Variants in PLCE1 observed in about 807,000 individuals in gnomAD.
PLCE1 encodes phospholipase C epsilon 1.
PLCE1 carries 119 observed loss-of-function variants against 242.8 expected under a neutral mutation model. The ratio of observed to expected loss-of-function variants is 0.49; its 90% CI spans 0.42 to 0.57. PLCE1 has a LOEUF of 0.57. Among genes scored for constraint, PLCE1 ranks in the 20% least tolerant of loss-of-function variants. PLCE1 has a pLI of 0.00. For synonymous variants in PLCE1, 945 were observed against 1,017.4 expected, an observed-to-expected ratio of 0.93 and a Z score of 1.35; for missense variants, 2,441 against 2,788.8, an observed-to-expected ratio of 0.88 and a Z score of 2.81.
chr10:94,078,258 A>G (rs2044561030), intron 2 of PLCE1, among the ~76,000 whole-genome samples: 1 of 152,206 alleles, frequency 6.6e-6, no homozygotes, highest in Non-Finnish European at 1.5e-5. Flanking sequence ...CGGGAATTTA[A>G]TATTATAGTG....
intron 2 of PLCE1, chr10:94,105,087 C>G: frequency 6.6e-6 from 1 of 152,140 alleles, no homozygotes; most frequent in East Asian, 1.9e-4. Flanking sequence ...CTTTGTGATG[C>G]CATGAAAATG....
At chr10:94,227,643 TG>T (rs2049993161) in intron 5 of PLCE1, among the ~76,000 whole-genome samples, 192 bp downstream of exon 5, 1 of 152,236 alleles carries the variant, frequency 6.6e-6, no homozygotes, top group Admixed American at 6.5e-5. Flanking sequence ...TCAGCCCCTG[TG>T]GGCCAGTCAC....
chr10:94,298,284 C>T lies in PLCE1; in HGVS notation c.5168-95C>T. On this transcript the variant is annotated intron_variant, in intron 23 of 32. Coordinates refer to ENST00000371380, the MANE Select transcript of PLCE1 (RefSeq NM_016341.4). This position sits in a 1 kb window ranked among gnomAD's most constrained non-coding sequence, Gnocchi z 5.2. ...GAGGTATTCTGATGTGGTTTATATG[C>T]TATGACTGTTTACTGGGATGTTGTT... 1 of 1,127,604 alleles carries T rather than the reference C, an allele frequency of 8.9e-7. No individual in the cohort carries two copies. Among genetic ancestry groups the T allele is most frequent in the South Asian group, 1.3e-5 (1 of 77,180 alleles). The allele number at this position is 1,127,604 out of a possible 1,614,324, so 69.8% of individuals were successfully genotyped here. A position where few individuals can be genotyped will look rare whatever the true frequency, so the allele number is the denominator to read the frequency against.
Position 94,324,966 on chromosome 10 carries a change from G to GC in PLCE1, c.6799dup (p.Arg2267ProfsTer30). 1 of 1,614,108 alleles carries GC rather than the reference G, an allele frequency of 6.2e-7. No individual in the cohort carries two copies. Among genetic ancestry groups the GC allele is most frequent in the Non-Finnish European group, 8.5e-7 (1 of 1,179,986 alleles). On this transcript the variant is annotated frameshift_variant, in exon 32 of 33. Transcript: ENST00000371380. LOFTEE classifies it high-confidence loss of function. Reference sequence around the variant, plus strand: ...AGAAGCTCACCAAGTCAACTAAACAGCCCCGAGGACTTACATCACCTTCTC... The same window carrying GC: ...AGAAGCTCACCAAGTCAACTAAACAGCCCCCGAGGACTTACATCACCTTCTC...
intron 29 of PLCE1, among the ~76,000 whole-genome samples, chr10:94,317,547 T>C (rs1252726777): frequency 6.6e-6 from 1 of 152,176 alleles, no homozygotes; most frequent in Non-Finnish European, 1.5e-5. Context: ...AATAATAATA[T>C]TTCTTTGAAA....
At chr10:94,146,560 A>G (rs1441716665) in intron 3 of PLCE1, among the ~76,000 whole-genome samples, 2 of 152,140 alleles carry the variant, frequency 1.3e-5, no homozygotes, top group Non-Finnish European at 2.9e-5. Flanking sequence ...CAAATGTGAA[A>G]AACCTTTAGG....
chr10:94,111,996 A>G (rs2045971447), intron 2 of PLCE1, among the ~76,000 whole-genome samples: 1 of 152,200 alleles, frequency 6.6e-6, no homozygotes, highest in South Asian at 2.1e-4. Flanking sequence ...TCCTATGGGA[A>G]AATACATCTT....
At chr10:94,242,278 G>GT (rs536029354) in intron 7 of PLCE1, among the ~76,000 whole-genome samples, 4,363 of 151,680 alleles carry the variant, frequency 0.029, 123 homozygotes, top group African/African-American at 0.079. Context: ...CAGATCTTGT[G>GT]TTTTTTTTGT....
intron 3 of PLCE1, among the ~76,000 whole-genome samples, chr10:94,141,673 GAAAGAAAGAAGGAAGGGAGGGAGA>G: frequency 2.3e-5 from 1 of 43,268 alleles, no homozygotes; most frequent in Non-Finnish European, 7.5e-5. Flanking sequence ...AGGGAGGGAG[GAAAGAAAGAAGGAAGGGAGGGAGA>G]GAAGGAAGGG....
At chr10:94,234,445 T>A in intron 6 of PLCE1, 133 bp downstream of exon 6, 1 of 978,874 alleles carries the variant, frequency 1.0e-6, no homozygotes, top group Non-Finnish European at 1.6e-6. Flanking sequence ...TATTTCTGGG[T>A]AGCACATAGA....
At chr10:94,159,781 A>C (rs1000170995) in intron 3 of PLCE1, among the ~76,000 whole-genome samples, 12 of 151,646 alleles carry the variant, frequency 7.9e-5, no homozygotes, top group African/African-American at 2.9e-4. Flanking sequence ...CCCCCTCCCC[A>C]CAACAGGCCC....
rs188268108 is a variant in PLCE1, at chr10:94,019,317, T to C, written c.-364-11366T>C. Among the ~76,000 whole-genome samples, 85 of 152,310 alleles carry C rather than the reference T, an allele frequency of 5.6e-4. 1 individual carries two copies. Among genetic ancestry groups the C allele is most frequent in the Middle Eastern group, 3.4e-3 (1 of 294 alleles). ...GCTAAAGGAGCAAGTGGGATTGAAA[T>C]GCAGCCTGTGGTCCACTTGAAAAGT... On this transcript the variant is annotated intron_variant, in intron 1 of 32. Coordinates refer to ENST00000371380, the MANE Select transcript of PLCE1 (RefSeq NM_016341.4).
intron 2 of PLCE1, among the ~76,000 whole-genome samples, chr10:94,126,750 A>G (rs2046447535): frequency 6.6e-6 from 1 of 152,250 alleles, no homozygotes; most frequent in Non-Finnish European, 1.5e-5. Flanking sequence ...AAATCTTCAC[A>G]TAAAGGAAGC....
chr10:94,184,583 G>C (rs934771910), intron 4 of PLCE1, among the ~76,000 whole-genome samples: 10 of 152,170 alleles, frequency 6.6e-5, no homozygotes, highest in Non-Finnish European at 1.5e-4. Context: ...GCCTGCCTCA[G>C]CCTCCCAAAG....
intron 13 of PLCE1, 85 bp downstream of exon 13, chr10:94,259,235 C>A: frequency 7.4e-7 from 1 of 1,354,152 alleles, no homozygotes; most frequent in Non-Finnish European, 1.1e-6. Context: ...AACTCTGAGC[C>A]TGTCCCACAT....
intron 2 of PLCE1, among the ~76,000 whole-genome samples, chr10:94,039,499 A>C (rs547749357): frequency 6.6e-6 from 1 of 152,024 alleles, no homozygotes; most frequent in South Asian, 2.1e-4. Context: ...CTCATGCCTC[A>C]ACCTGAGGCA....
At chr10:94,076,953 A>G (rs998511855) in intron 2 of PLCE1, among the ~76,000 whole-genome samples, 6 of 152,220 alleles carry the variant, frequency 3.9e-5, no homozygotes, top group Non-Finnish European at 4.4e-5. Flanking sequence ...CTGAAACAGC[A>G]CATAAGTGGA....
At chr10:94,029,406 C>G (rs2061513004) in intron 1 of PLCE1, among the ~76,000 whole-genome samples, 1 of 152,088 alleles carries the variant, frequency 6.6e-6, no homozygotes, top group African/African-American at 2.4e-5. Context: ...AACAGAATGA[C>G]CAACATTATC....
At chr10:93,995,605 A>C (rs1175750962) in intron 1 of PLCE1, among the ~76,000 whole-genome samples, 5 of 152,266 alleles carry the variant, frequency 3.3e-5, no homozygotes, top group Non-Finnish European at 7.3e-5. Flanking sequence ...TTACAACATA[A>C]ATATCTACTT....
Sources: allele counts gnomAD v4.1 joint callset (sites outside exome capture counted in the v4.1 genomes callset), GRCh38; gene constraint gnomAD v4.1.1; non-coding constraint Gnocchi (gnomAD v3.1); transcripts MANE v1.5; gene names NCBI Gene and HGNC (gene_info 2026-07-23, HGNC 2026-07-21).